Variants in PRELID2 observed in about 807,000 individuals in gnomAD.
The protein encoded by PRELID2 is PRELI domain-containing protein 2.
PRELID2 carries 25 observed loss-of-function variants against 28.4 expected under a neutral mutation model. That is an observed-to-expected ratio of 0.88 (90% confidence interval 0.64 to 1.23). PRELID2 has a LOEUF of 1.23. PRELID2 is among the 50% of genes most tolerant of loss of function. PRELID2 has a pLI of 0.00. For synonymous variants in PRELID2, 76 were observed against 71.6 expected (o/e 1.06, Z -0.31); for missense variants, 201 against 214.4 (o/e 0.94, Z 0.39).
At chr5:145,254,400 G>C in the PRELID2 span, among the ~76,000 whole-genome samples, 1 of 152,058 alleles carries the variant, frequency 6.6e-6, no homozygotes, top group African/African-American at 2.4e-5. Context: ...TGATTATTTT[G>C]CTCTCTGTTC....
chr5:145,696,717 G>T (rs1755276526), intron 1 of PRELID2, among the ~76,000 whole-genome samples: 1 of 151,800 alleles, frequency 6.6e-6, no homozygotes, highest in Non-Finnish European at 1.5e-5. Context: ...GCCCACCTCG[G>T]CCTCCCAAAG....
Position 145,817,911 on chromosome 5 carries a change from A to G in PRELID2, c.351T>C (p.Ser117=). Residue 117 remains serine (S), a synonymous_variant, in exon 4 of 7, where the codon AGT becomes AGC. Transcript: ENST00000683046. The stretch of plus-strand genomic sequence containing the variant: ...AGTCTTACCAATTTGGGTTTTCCAT[A>G]CTTTCCCGGAAGACAGACTCTTCCT... ...SMKEESVFRE[S]MENPNWTEFI... is the part of the protein sequence containing the mutation. The G allele has an allele frequency of 6.4e-7, 1 of 1,551,268 alleles. No homozygotes were observed. Among genetic ancestry groups the G allele is most frequent in the Non-Finnish European group, 8.7e-7 (1 of 1,151,768 alleles).
At chr5:145,630,148 G>A (rs1177747269) in intron 1 of PRELID2, among the ~76,000 whole-genome samples, 5 of 152,114 alleles carry the variant, frequency 3.3e-5, no homozygotes, top group Non-Finnish European at 1.5e-5. Flanking sequence ...ATGGATGGAT[G>A]GATGGATGGA....
At chr5:145,619,694 G>A (rs1753748361) in intron 1 of PRELID2, among the ~76,000 whole-genome samples, 2 of 152,134 alleles carry the variant, frequency 1.3e-5, no homozygotes, top group Admixed American at 1.3e-4. Flanking sequence ...CATCTGAGTT[G>A]GAGCTGCAAT....
the PRELID2 span, among the ~76,000 whole-genome samples, chr5:145,318,460 G>A: frequency 6.6e-6 from 1 of 152,232 alleles, no homozygotes; most frequent in Non-Finnish European, 1.5e-5. Context: ...TAGAAAAGGA[G>A]GGTTTCCCAG....
chr5:145,687,676 T>C (rs1186987712), intron 1 of PRELID2, among the ~76,000 whole-genome samples: 1 of 152,210 alleles, frequency 6.6e-6, no homozygotes, highest in South Asian at 2.1e-4. Context: ...TGCTTATGCA[T>C]CACTAGCATT....
At chr5:145,264,969 T>TAAAAAAAAAAAAAAAAAAA in the PRELID2 span, among the ~76,000 whole-genome samples, 1 of 56,876 alleles carries the variant, frequency 1.8e-5, no homozygotes. Flanking sequence ...AGTGCAACTC[T>TAAAAAAAAAAAAAAAAAAA]AAAAAAAAAA....
intron 1 of PRELID2, among the ~76,000 whole-genome samples, chr5:145,643,552 C>A (rs369249509): frequency 3.9e-5 from 6 of 152,026 alleles, no homozygotes; most frequent in Non-Finnish European, 5.9e-5. Context: ...ATAATATGTT[C>A]AATAGGAGTG....
intron 1 of PRELID2, among the ~76,000 whole-genome samples, chr5:145,749,801 C>A (rs1757082201): frequency 6.6e-6 from 1 of 152,120 alleles, no homozygotes; most frequent in Non-Finnish European, 1.5e-5. Flanking sequence ...AGAATGAGAT[C>A]TTGTCCTTTG....
the PRELID2 span, among the ~76,000 whole-genome samples, chr5:145,314,771 T>A: frequency 6.6e-6 from 1 of 151,972 alleles, no homozygotes; most frequent in South Asian, 2.1e-4. Flanking sequence ...AAAATTGTTA[T>A]GGCACCTAAA....
chr5:145,449,837 A>T, the PRELID2 span, among the ~76,000 whole-genome samples: 1 of 152,118 alleles, frequency 6.6e-6, no homozygotes, highest in Non-Finnish European at 1.5e-5. Flanking sequence ...TCCTGAGGGT[A>T]AGGACTGGGT....
At chr5:145,609,496 C>T (rs1753575869) in intron 1 of PRELID2, among the ~76,000 whole-genome samples, 1 of 152,210 alleles carries the variant, frequency 6.6e-6, no homozygotes, top group African/African-American at 2.4e-5. Flanking sequence ...CAGCAGTTGG[C>T]AGAGAGGCCA....
intron 1 of PRELID2, among the ~76,000 whole-genome samples, chr5:145,670,925 A>G (rs1010882015): frequency 1.6e-4 from 25 of 152,212 alleles, no homozygotes; most frequent in African/African-American, 6.0e-4. Flanking sequence ...AACTTACAAC[A>G]GTGAGAGATC....
chr5:145,495,949 G>C (rs1752306583), intron 1 of PRELID2, among the ~76,000 whole-genome samples: 1 of 152,046 alleles, frequency 6.6e-6, no homozygotes, highest in African/African-American at 2.4e-5. Context: ...AATGAGTCAG[G>C]TGTTCCATTA....
intron 1 of PRELID2, among the ~76,000 whole-genome samples, chr5:145,589,026 T>A (rs1217291004): frequency 6.6e-6 from 1 of 152,168 alleles, no homozygotes; most frequent in African/African-American, 2.4e-5. Flanking sequence ...GTTTGTTGTA[T>A]TTTCTTCCAG....
chr5:145,497,103 A>G (rs1392051877), intron 1 of PRELID2, among the ~76,000 whole-genome samples: 4 of 151,984 alleles, frequency 2.6e-5, no homozygotes, highest in Admixed American at 2.6e-4. Flanking sequence ...GCCTCAAGTG[A>G]TCCTCCCACC....
At chr5:145,620,838 C>A (rs185000429) in intron 1 of PRELID2, among the ~76,000 whole-genome samples, 13,958 of 151,838 alleles carry the variant, frequency 0.092, 898 homozygotes, top group Admixed American at 0.19. Context: ...CACACACACA[C>A]ACACAAAATT....
chr5:145,798,557 TA>T (rs757133080), intron 4 of PRELID2, among the ~76,000 whole-genome samples: 2 of 152,152 alleles, frequency 1.3e-5, no homozygotes, highest in Non-Finnish European at 2.9e-5. Context: ...CATGCTACTA[TA>T]AAGACATGTG....
chr5:145,399,294 G>T, the PRELID2 span, among the ~76,000 whole-genome samples: 171 of 152,210 alleles, frequency 1.1e-3, no homozygotes, highest in African/African-American at 4.0e-3. Context: ...CAGCATCAAA[G>T]CCACTCCTGG....
Sources: gnomAD v4.1 joint callset for allele counts (sites outside exome capture counted in the v4.1 genomes callset) on GRCh38, gnomAD v4.1.1 for gene constraint, MANE v1.5 for transcripts, NCBI Gene and HGNC (gene_info 2026-07-23, HGNC 2026-07-21) for gene names.